Variants in GPC6 observed in about 807,000 individuals in gnomAD.
The protein encoded by GPC6 is glypican-6.
Under a neutral mutation model 55.2 loss-of-function variants are expected in GPC6, and 14 were observed. The ratio of observed to expected loss-of-function variants is 0.25; its 90% CI spans 0.17 to 0.40. The LOEUF is 0.40. Among genes scored for constraint, GPC6 ranks in the 10% least tolerant of loss-of-function variants. The probability of loss-of-function intolerance (pLI) is 1.00; values close to 1 mark genes in which losing one functional copy is unlikely to be tolerated. For synonymous variants in GPC6, 278 were observed against 259.6 expected, an observed-to-expected ratio of 1.07 and a Z score of -0.68; for missense variants, 641 against 708.5, an observed-to-expected ratio of 0.90 and a Z score of 1.08.
intron 1 of GPC6, among the ~76,000 whole-genome samples, chr13:93,355,294 G>A (rs946134169): frequency 1.3e-5 from 2 of 152,154 alleles, no homozygotes; most frequent in African/African-American, 4.8e-5. Flanking sequence ...TGAAAGGTGT[G>A]TGCTACTGTA....
At chr13:93,966,492 G>T (rs1880049088) in intron 3 of GPC6, among the ~76,000 whole-genome samples, 2 of 152,100 alleles carry the variant, frequency 1.3e-5, no homozygotes, top group Admixed American at 1.3e-4. Flanking sequence ...TGTATACTTT[G>T]CTGTGTTTGT....
At chr13:94,133,621 T>C (rs954548955) in intron 4 of GPC6, among the ~76,000 whole-genome samples, 1 of 152,162 alleles carries the variant, frequency 6.6e-6, no homozygotes, top group Non-Finnish European at 1.5e-5. Flanking sequence ...TTACTTTTTT[T>C]CACATTGTGG....
chr13:94,396,415 G>A lies in GPC6; in HGVS notation c.1290-2051G>A, dbSNP rs1163241472. ...ACCAAAAAGAAAAGAATAAAGGCAC[G>A]TCTTTTGGTGGATGGTGCCCTGCAG... On this transcript the variant is annotated intron_variant, in intron 7 of 8. Transcript: ENST00000377047. 5.3e-5 allele frequency among the ~76,000 whole-genome samples: 8 copies of A among 152,178 alleles called. 1 individual carries two copies. The highest frequency in any genetic ancestry group is 5.2e-4 in the Admixed American group (8 of 15,282).
chr13:94,051,340 AC>A (rs1377364535), intron 4 of GPC6, among the ~76,000 whole-genome samples: 1 of 151,970 alleles, frequency 6.6e-6, no homozygotes, highest in Admixed American at 6.6e-5. Flanking sequence ...GTCACATCTT[AC>A]TTTAAACAGG....
At chr13:93,548,765 C>A (rs1042525261) in intron 2 of GPC6, among the ~76,000 whole-genome samples, 6 of 152,076 alleles carry the variant, frequency 3.9e-5, no homozygotes, top group Non-Finnish European at 8.8e-5. Flanking sequence ...AGCATTCATA[C>A]CTGAGAGGCA....
intron 3 of GPC6, among the ~76,000 whole-genome samples, chr13:94,015,942 A>C (rs1182738592): frequency 6.6e-6 from 1 of 152,108 alleles, no homozygotes; most frequent in East Asian, 1.9e-4. Context: ...TTGACAGTAC[A>C]TTGTTGTTAA....
intron 3 of GPC6, among the ~76,000 whole-genome samples, chr13:93,930,025 T>A (rs1878076235): frequency 6.6e-6 from 1 of 152,048 alleles, no homozygotes; most frequent in Non-Finnish European, 1.5e-5. Flanking sequence ...CTTTTGTTGA[T>A]GTTTTCAAAC....
intron 5 of GPC6, among the ~76,000 whole-genome samples, chr13:94,288,883 CTAATATATATAACAAATATATA>C (rs1874738218): frequency 1.8e-4 from 1 of 5,426 alleles, no homozygotes; most frequent in Non-Finnish European, 6.2e-4. Context: ...ATATATATAA[CTAATATATATAACAAATATATA>C]TATATTTGTT....
chr13:94,333,853 A>G (rs1877547012), intron 6 of GPC6, among the ~76,000 whole-genome samples: 1 of 152,182 alleles, frequency 6.6e-6, no homozygotes. Context: ...GCTGAGTCCA[A>G]ATGCATGATG....
intron 2 of GPC6, among the ~76,000 whole-genome samples, chr13:93,822,892 C>T (rs9524243): frequency 0.33 from 49,663 of 149,608 alleles, 8,697 homozygotes; most frequent in African/African-American, 0.44. Flanking sequence ...GAGATGGAGT[C>T]TCGCTCTGTC....
chr13:93,890,951 A>G (rs1448635592), intron 3 of GPC6, among the ~76,000 whole-genome samples: 1 of 152,008 alleles, frequency 6.6e-6, no homozygotes, highest in Non-Finnish European at 1.5e-5. Context: ...CTGTTAATCA[A>G]ATTTATCTCA....
chr13:93,668,565 AC>A (rs1271543717), intron 2 of GPC6, among the ~76,000 whole-genome samples: 1 of 152,186 alleles, frequency 6.6e-6, no homozygotes, highest in East Asian at 1.9e-4. Flanking sequence ...AAATCCAATG[AC>A]AAGCACTCCT....
At chr13:93,337,738 C>T (rs1880099111) in intron 1 of GPC6, among the ~76,000 whole-genome samples, 1 of 152,186 alleles carries the variant, frequency 6.6e-6, no homozygotes, top group South Asian at 2.1e-4. Flanking sequence ...TATGTTGCAG[C>T]TAACAAAGAG....
At chr13:94,162,781 T>C (rs72645974) in intron 4 of GPC6, among the ~76,000 whole-genome samples, 1 of 152,128 alleles carries the variant, frequency 6.6e-6, no homozygotes, top group African/African-American at 2.4e-5. Context: ...ACATTGAGCA[T>C]ATATATGTTG....
intron 3 of GPC6, among the ~76,000 whole-genome samples, chr13:93,899,062 C>T (rs575921355): frequency 9.3e-5 from 14 of 151,180 alleles, no homozygotes; most frequent in South Asian, 2.1e-4. Context: ...GTTTCCCAGA[C>T]GTAAAAATGT....
intron 3 of GPC6, among the ~76,000 whole-genome samples, chr13:93,981,308 TA>T (rs1383725911): frequency 1.3e-5 from 2 of 152,178 alleles, no homozygotes; most frequent in Admixed American, 1.3e-4. Context: ...TTCAAGTACA[TA>T]AATAATTTCT....
At chr13:93,976,319 A>G (rs1021738953) in intron 3 of GPC6, among the ~76,000 whole-genome samples, 1 of 141,052 alleles carries the variant, frequency 7.1e-6, no homozygotes, top group Non-Finnish European at 1.5e-5. Context: ...GTCTTAAAGT[A>G]GACTTATTGG....
chr13:94,356,409 TTTG>T (rs1470666501), intron 6 of GPC6, among the ~76,000 whole-genome samples: 1 of 152,174 alleles, frequency 6.6e-6, no homozygotes, highest in East Asian at 1.9e-4. Context: ...GTTTATTTCA[TTTG>T]TTGTTGGAAT....
chr13:93,245,869 C>T (rs1380078137), intron 1 of GPC6, among the ~76,000 whole-genome samples: 1 of 152,202 alleles, frequency 6.6e-6, no homozygotes, highest in Non-Finnish European at 1.5e-5. Flanking sequence ...AGCAGTCTAT[C>T]CCATGTCTGC....
Sources: allele counts gnomAD v4.1 joint callset (sites outside exome capture counted in the v4.1 genomes callset), GRCh38; gene constraint gnomAD v4.1.1; transcripts MANE v1.5; gene names NCBI Gene and HGNC (gene_info 2026-07-23, HGNC 2026-07-21).